COP1: variants seen among roughly 807,000 people sequenced by gnomAD.
The protein encoded by COP1 is E3 ubiquitin-protein ligase COP1.
In COP1, 24 loss-of-function variants were observed where a neutral mutation model predicts 101.3. That is an observed-to-expected ratio of 0.24 (90% confidence interval 0.17 to 0.33). The LOEUF is 0.33. COP1 is among the 10% of genes least tolerant of loss of function. The pLI is 1.00. For missense variants in COP1, 663 were observed against 906.2 expected, an observed-to-expected ratio of 0.73 and a Z score of 3.45; for synonymous variants, 347 against 341.9, an observed-to-expected ratio of 1.01 and a Z score of -0.17.
intron 3 of COP1, among the ~76,000 whole-genome samples, chr1:176,165,612 T>C (rs548168593): frequency 6.6e-6 from 1 of 152,114 alleles, no homozygotes; most frequent in East Asian, 1.9e-4. Flanking sequence ...GGAGAATCAC[T>C]TGAACCCAGG....
intron 1 of COP1, among the ~76,000 whole-genome samples, chr1:176,204,882 G>A (rs894099905): frequency 3.3e-5 from 5 of 152,064 alleles, no homozygotes; most frequent in African/African-American, 7.2e-5. Context: ...GAGCCAAGAC[G>A]GTGCCACTGC....
intron 6 of COP1, among the ~76,000 whole-genome samples, chr1:176,146,443 A>C (rs941973086): frequency 7.2e-5 from 11 of 152,234 alleles, no homozygotes; most frequent in African/African-American, 2.7e-4. Flanking sequence ...TTTAGGATAT[A>C]ATTTCCAAGA....
At chr1:176,205,961 C>G (rs1168590288) in intron 1 of COP1, among the ~76,000 whole-genome samples, 1 of 152,158 alleles carries the variant, frequency 6.6e-6, no homozygotes, top group East Asian at 1.9e-4. Context: ...ACAGTCGTCT[C>G]AACAGCCGAT....
At chr1:176,062,240 G>A (rs1002569252) in intron 11 of COP1, among the ~76,000 whole-genome samples, 7 of 152,088 alleles carry the variant, frequency 4.6e-5, no homozygotes, top group Admixed American at 3.9e-4. Context: ...CTGACCTTGT[G>A]ATCTGCCCGC....
chr1:176,061,479 C>A (rs1173196871), intron 11 of COP1, among the ~76,000 whole-genome samples: 1 of 151,846 alleles, frequency 6.6e-6, no homozygotes, highest in African/African-American at 2.4e-5. Flanking sequence ...ATACAAAATT[C>A]ACTAGGCATG....
At chr1:176,136,948 A>G (rs1007426815) in intron 6 of COP1, among the ~76,000 whole-genome samples, 1 of 151,976 alleles carries the variant, frequency 6.6e-6, no homozygotes, top group Admixed American at 6.6e-5. Flanking sequence ...AGGTTTCACT[A>G]TGTTGCCCAG....
chr1:176,022,760 C>A (rs1666972387), intron 15 of COP1, among the ~76,000 whole-genome samples: 1 of 152,132 alleles, frequency 6.6e-6, no homozygotes, highest in Admixed American at 6.5e-5. Context: ...TTAGCTCATA[C>A]CTAACCTCAA....
rs533045782 is a variant in COP1, at chr1:175,992,295, G to T, written c.1730-2816C>A. ...AGATGGCCAAATAGGAACAGCTCCA[G>T]TCTACAGCTCCCAGAGTGAGCGACG... On this transcript the variant is annotated intron_variant, in intron 15 of 19. Transcript: ENST00000367669. 3.9e-5 allele frequency among the ~76,000 whole-genome samples: 6 copies of T among 152,350 alleles called. No homozygotes were observed. The South Asian group carries it at 1.2e-3, about 32-fold the overall frequency.
chr1:176,138,090 G>C (rs1474984815), intron 6 of COP1, among the ~76,000 whole-genome samples: 1 of 152,118 alleles, frequency 6.6e-6, no homozygotes, highest in Non-Finnish European at 1.5e-5. Context: ...TTAAATCAGA[G>C]GCTGAGCCTT....
chr1:175,965,413 C>T (rs1309161789), intron 18 of COP1, among the ~76,000 whole-genome samples: 2 of 152,172 alleles, frequency 1.3e-5, no homozygotes, highest in African/African-American at 2.4e-5. Flanking sequence ...TTTCATCACT[C>T]GTGCTGACAT....
chr1:176,006,736 T>C (rs1175158506), intron 15 of COP1, among the ~76,000 whole-genome samples: 1 of 152,224 alleles, frequency 6.6e-6, no homozygotes, highest in Non-Finnish European at 1.5e-5. Flanking sequence ...TCTGATGGTC[T>C]TCCCTTTGTA....
chr1:175,982,559 G>A (rs1292588496), intron 18 of COP1, among the ~76,000 whole-genome samples: 1 of 152,032 alleles, frequency 6.6e-6, no homozygotes. Context: ...GCTTATGTGG[G>A]TTAATTGTTT....
intron 9 of COP1, among the ~76,000 whole-genome samples, chr1:176,091,112 A>G (rs1426333808): frequency 2.0e-5 from 3 of 152,168 alleles, no homozygotes; most frequent in Non-Finnish European, 2.9e-5. Flanking sequence ...TGAGAGAAAA[A>G]AATTTCAGCC....
At chr1:176,148,510 T>C (rs1691931217) in intron 6 of COP1, among the ~76,000 whole-genome samples, 1 of 152,284 alleles carries the variant, frequency 6.6e-6, no homozygotes, top group East Asian at 1.9e-4. Flanking sequence ...ATTTTATAAA[T>C]GTTAAATTAG....
intron 9 of COP1, among the ~76,000 whole-genome samples, chr1:176,090,104 C>T (rs1001273553): frequency 1.3e-5 from 2 of 152,172 alleles, no homozygotes; most frequent in African/African-American, 2.4e-5. Flanking sequence ...GACACTCCTT[C>T]CTATTAATCT....
At chr1:176,112,868 A>G (rs1026500188) in intron 9 of COP1, among the ~76,000 whole-genome samples, 7 of 152,246 alleles carry the variant, frequency 4.6e-5, no homozygotes, top group African/African-American at 1.4e-4. Flanking sequence ...CTCCAGTTCC[A>G]TCCATGTTGC....
At chr1:175,970,655 C>T (rs1653063955) in intron 18 of COP1, among the ~76,000 whole-genome samples, 2 of 151,856 alleles carry the variant, frequency 1.3e-5, no homozygotes, top group South Asian at 4.1e-4. Flanking sequence ...TTCTATTGTA[C>T]TTTTTCCTAT....
intron 15 of COP1, among the ~76,000 whole-genome samples, chr1:175,997,994 C>G (rs1180152685): frequency 2.1e-5 from 3 of 145,610 alleles, no homozygotes; most frequent in Non-Finnish European, 3.0e-5. Flanking sequence ...AGACTTGGAG[C>G]CAACCCAAAA....
chr1:176,143,208 T>C (rs550579532), intron 6 of COP1, among the ~76,000 whole-genome samples: 1 of 151,384 alleles, frequency 6.6e-6, no homozygotes. Flanking sequence ...CCTGGTGACA[T>C]TAAAAACTTA....
Sources: gnomAD v4.1 joint callset for allele counts (sites outside exome capture counted in the v4.1 genomes callset) on GRCh38, gnomAD v4.1.1 for gene constraint, MANE v1.5 for transcripts, NCBI Gene and HGNC (gene_info 2026-07-23, HGNC 2026-07-21) for gene names.